Variants in PDE1C observed in about 807,000 individuals in gnomAD.
PDE1C encodes the protein dual specificity calcium/calmodulin-dependent 3',5'-cyclic nucleotide phosphodiesterase 1C.
In PDE1C, 62 loss-of-function variants were observed where a neutral mutation model predicts 93.1. That is an observed-to-expected ratio of 0.67 (90% CI 0.54 to 0.82). PDE1C has a LOEUF of 0.82. Among genes scored for constraint, PDE1C ranks in the 40% least tolerant of loss-of-function variants. The probability of loss-of-function intolerance (pLI) is 0.00; values close to 1 mark genes in which losing one functional copy is unlikely to be tolerated. For missense variants in PDE1C, 742 were observed against 884.6 expected, an observed-to-expected ratio of 0.84 and a Z score of 2.04; for synonymous variants, 325 against 310.1, an observed-to-expected ratio of 1.05 and a Z score of -0.50.
intron 1 of PDE1C, among the ~76,000 whole-genome samples, chr7:32,353,555 T>C (rs1232560682): frequency 5.2e-5 from 3 of 58,130 alleles, no homozygotes; most frequent in African/African-American, 1.5e-4. Context: ...CTGTAGTTTT[T>C]GTTTTTTTTT....
At chr7:32,327,553 G>T (rs972089889) in intron 1 of PDE1C, among the ~76,000 whole-genome samples, 4 of 152,122 alleles carry the variant, frequency 2.6e-5, no homozygotes, top group Non-Finnish European at 4.4e-5. Flanking sequence ...TGGATCACGA[G>T]ATCAGGAGAT....
intron 14 of PDE1C, among the ~76,000 whole-genome samples, chr7:31,817,885 T>C (rs886767285): frequency 6.6e-5 from 10 of 152,168 alleles, no homozygotes; most frequent in Non-Finnish European, 1.0e-4. Context: ...GTCTATGATA[T>C]CTTGTTTAGT....
At chr7:32,140,255 A>G (rs1457212139) in intron 3 of PDE1C, among the ~76,000 whole-genome samples, 1 of 152,230 alleles carries the variant, frequency 6.6e-6, no homozygotes, top group African/African-American at 2.4e-5. Flanking sequence ...AGATGAAGTT[A>G]CAGTGGTCAC....
chr7:32,012,326 T>C (rs1237747291), intron 2 of PDE1C, among the ~76,000 whole-genome samples: 2 of 152,094 alleles, frequency 1.3e-5, no homozygotes, highest in African/African-American at 4.8e-5. Flanking sequence ...GGGGTGGAGA[T>C]ACCAGACTGT....
chr7:31,831,604 T>G (rs180971857), intron 11 of PDE1C, among the ~76,000 whole-genome samples: 1 of 152,230 alleles, frequency 6.6e-6, no homozygotes, highest in African/African-American at 2.4e-5. Context: ...CTGATTGCCC[T>G]GTGGTACAAA....
At chr7:31,651,832 CTCTTT>C in the PDE1C span, 1 of 656,426 alleles carries the variant, frequency 1.5e-6, no homozygotes, top group African/African-American at 1.9e-5. Flanking sequence ...AGATGACATT[CTCTTT>C]TAAGAAATTG....
intron 1 of PDE1C, among the ~76,000 whole-genome samples, chr7:32,260,550 C>G (rs961185511): frequency 6.6e-6 from 1 of 152,062 alleles, no homozygotes; most frequent in East Asian, 1.9e-4. Flanking sequence ...CTCTGTGGAG[C>G]GATCTCGCCT....
chr7:32,117,315 A>G (rs900720400), intron 3 of PDE1C, among the ~76,000 whole-genome samples: 1 of 152,152 alleles, frequency 6.6e-6, no homozygotes, highest in African/African-American at 2.4e-5. Flanking sequence ...CTATAAGAAA[A>G]CTATGTCATA....
At position 32,396,525 on chromosome 7, in the gene PDE1C, G is replaced by A. The variant is rs529457104; in HGVS notation, c.310+31297C>T. Among the ~76,000 whole-genome samples the A allele has an allele frequency of 2.2e-4, 31 of 138,922 alleles. No homozygotes were observed. In the East Asian group the frequency reaches 5.6e-3, roughly 25 times the overall value. 91.1% of individuals were successfully genotyped at this position (138,922 alleles called of 152,430 possible). A position where few individuals can be genotyped will look rare whatever the true frequency, so the allele number is the denominator to read the frequency against. ...AGTGGATATGCATATTGAAGTATGG[G>A]GGGGGGGAGTGTTGTAATGTCTTCA... On this transcript the variant is annotated intron_variant, in intron 1 of 1. Transcript: ENST00000672256.
At chr7:32,197,599 G>A (rs1455561052) in intron 2 of PDE1C, among the ~76,000 whole-genome samples, 1 of 152,138 alleles carries the variant, frequency 6.6e-6, no homozygotes. Flanking sequence ...CCATACTAGG[G>A]AATATTGTCC....
At chr7:32,312,868 C>G (rs1164366728) in intron 1 of PDE1C, among the ~76,000 whole-genome samples, 1 of 152,078 alleles carries the variant, frequency 6.6e-6, no homozygotes, top group African/African-American at 2.4e-5. Flanking sequence ...TCTAAAACAC[C>G]AAAAGCAATG....
At chr7:31,964,823 C>A (rs527600401) in intron 2 of PDE1C, among the ~76,000 whole-genome samples, 1 of 152,166 alleles carries the variant, frequency 6.6e-6, no homozygotes, top group Non-Finnish European at 1.5e-5. Flanking sequence ...CCGCAGCCAC[C>A]GTTGCTGATA....
chr7:32,311,978 G>A (rs200621465), intron 1 of PDE1C, among the ~76,000 whole-genome samples: 22,149 of 150,350 alleles, frequency 0.15, 1,887 homozygotes, highest in East Asian at 0.4. Context: ...CCTGTTTGCA[G>A]ATGACATGAT....
At chr7:31,642,862 T>C in the PDE1C span, 1 of 1,613,976 alleles carries the variant, frequency 6.2e-7, no homozygotes, top group Non-Finnish European at 8.5e-7. Flanking sequence ...ACAAAGGGCC[T>C]CAGTATCTGT....
chr7:31,808,096 C>T (rs1182623225), intron 16 of PDE1C, among the ~76,000 whole-genome samples: 2 of 152,010 alleles, frequency 1.3e-5, no homozygotes, highest in African/African-American at 4.8e-5. Context: ...AAAGGGGCTG[C>T]TTCCTTTATA....
intron 3 of PDE1C, among the ~76,000 whole-genome samples, chr7:32,114,828 A>G (rs1455033815): frequency 6.6e-6 from 1 of 152,168 alleles, no homozygotes; most frequent in Non-Finnish European, 1.5e-5. Context: ...ACTTCTCAAA[A>G]AAAAGACATT....
intron 2 of PDE1C, among the ~76,000 whole-genome samples, chr7:32,201,634 G>A (rs144033164): frequency 9.3e-4 from 142 of 152,324 alleles, no homozygotes; most frequent in African/African-American, 3.3e-3. Flanking sequence ...GAGTGGCTCT[G>A]ATTCCTAAAA....
At chr7:32,407,104 C>CAT (rs1785068640) in intron 1 of PDE1C, among the ~76,000 whole-genome samples, 1 of 152,038 alleles carries the variant, frequency 6.6e-6, no homozygotes. Flanking sequence ...TGAAACCCTG[C>CAT]CTCTACTAAA....
chr7:32,116,002 T>G (rs1316708147), intron 3 of PDE1C, among the ~76,000 whole-genome samples: 2 of 152,166 alleles, frequency 1.3e-5, no homozygotes, highest in African/African-American at 4.8e-5. Flanking sequence ...TACTCAAGTA[T>G]GAGAAAAATC....
Sources: gnomAD v4.1 joint callset for allele counts (sites outside exome capture counted in the v4.1 genomes callset) on GRCh38, gnomAD v4.1.1 for gene constraint, MANE v1.5 for transcripts, NCBI Gene and HGNC (gene_info 2026-07-23, HGNC 2026-07-21) for gene names.